The following LRMDA variants were observed in gnomAD, a reference collection of about 807,000 sequenced individuals.
The protein encoded by LRMDA is leucine rich melanocyte differentiation associated.
A neutral mutation model predicts 29.8 loss-of-function variants in LRMDA; 18 were observed. The ratio of observed to expected loss-of-function variants is 0.60; its 90% confidence interval spans 0.42 to 0.90. LRMDA has a LOEUF of 0.90. Among genes scored for constraint, LRMDA ranks in the 40% least tolerant of loss-of-function variants. The pLI, the probability that LRMDA is intolerant of heterozygous loss-of-function variation, is 0.00. For synonymous variants in LRMDA, 125 were observed against 109.4 expected (o/e 1.14, Z -0.89); for missense variants, 273 against 273.9 (o/e 1.00, Z 0.02).
intron 2 of LRMDA, among the ~76,000 whole-genome samples, chr10:75,790,654 C>G (rs765326516): frequency 6.6e-5 from 10 of 152,190 alleles, no homozygotes; most frequent in African/African-American, 2.4e-4. Flanking sequence ...AAGCAGTTTT[C>G]AAAGAATCAT....
At chr10:75,596,908 G>T (rs1164788498) in intron 2 of LRMDA, among the ~76,000 whole-genome samples, 1 of 151,828 alleles carries the variant, frequency 6.6e-6, no homozygotes, top group Non-Finnish European at 1.5e-5. Context: ...GAATTGGTGG[G>T]GCTTGAATAG....
intron 5 of LRMDA, among the ~76,000 whole-genome samples, chr10:76,175,763 A>G (rs16932960): frequency 0.12 from 18,179 of 152,242 alleles, 1,589 homozygotes; most frequent in African/African-American, 0.24. Flanking sequence ...CCTGCAAACA[A>G]TCTATCTCGG....
At chr10:75,908,511 T>C (rs1177213870) in intron 2 of LRMDA, among the ~76,000 whole-genome samples, 1 of 152,228 alleles carries the variant, frequency 6.6e-6, no homozygotes, top group Non-Finnish European at 1.5e-5. Flanking sequence ...TACTTGTGCA[T>C]TTTTTGGGAG....
Position 75,546,036 on chromosome 10 carries a change from G to T in LRMDA, c.131+107542G>T, listed in dbSNP as rs571710428. On this transcript the variant is annotated intron_variant, in intron 2 of 6. Coordinates refer to ENST00000611255, the MANE Select transcript of LRMDA (RefSeq NM_001305581.2). ...CAGAAGCTTTATCCAGAAGGTCTTG[G>T]GCTTCTGCTCTTTTGGTGCTGGGAA... Among the ~76,000 whole-genome samples the T allele has an allele frequency of 2.0e-5, 3 of 152,242 alleles. No individual in the cohort carries two copies. In the East Asian group the frequency reaches 5.8e-4, roughly 29 times the overall value.
chr10:76,381,871 G>A (rs1310957138), intron 6 of LRMDA, among the ~76,000 whole-genome samples: 2 of 152,024 alleles, frequency 1.3e-5, no homozygotes, highest in Non-Finnish European at 2.9e-5. Flanking sequence ...TTCTTCCCTT[G>A]TATCCACCCA....
chr10:76,250,364 C>T (rs1000842553), intron 5 of LRMDA, among the ~76,000 whole-genome samples: 6 of 152,166 alleles, frequency 3.9e-5, no homozygotes, highest in African/African-American at 1.4e-4. Flanking sequence ...TAATGGGATA[C>T]AGAGGGTGGC....
chr10:75,744,419 C>G (rs746361394), intron 2 of LRMDA, among the ~76,000 whole-genome samples: 2 of 152,162 alleles, frequency 1.3e-5, no homozygotes, highest in Non-Finnish European at 2.9e-5. Context: ...TGTATAAAAA[C>G]ACAGTCCTTT....
chr10:76,023,913 G>T (rs180963738), intron 2 of LRMDA, among the ~76,000 whole-genome samples: 32 of 152,296 alleles, frequency 2.1e-4, no homozygotes, highest in Admixed American at 1.0e-3. Context: ...ATTGGTCTAG[G>T]TTTGTCTTCA....
intron 6 of LRMDA, among the ~76,000 whole-genome samples, chr10:76,509,598 T>C (rs769780325): frequency 6.6e-6 from 1 of 152,216 alleles, no homozygotes; most frequent in Admixed American, 6.5e-5. Context: ...CCAGCCTTGC[T>C]TAATTTGGGG....
At chr10:75,967,765 C>A (rs184344467) in intron 2 of LRMDA, among the ~76,000 whole-genome samples, 1 of 147,942 alleles carries the variant, frequency 6.8e-6, no homozygotes, top group Non-Finnish European at 1.5e-5. Context: ...AGGAGGGAGG[C>A]GGCGGGCAGG....
intron 6 of LRMDA, among the ~76,000 whole-genome samples, chr10:76,366,320 A>G (rs571431067): frequency 6.6e-6 from 1 of 152,178 alleles, no homozygotes; most frequent in African/African-American, 2.4e-5. Flanking sequence ...GAATTTGTAG[A>G]TTTCTTTTGG....
At chr10:76,291,391 T>C (rs182194513) in intron 5 of LRMDA, among the ~76,000 whole-genome samples, 17 of 152,350 alleles carry the variant, frequency 1.1e-4, no homozygotes, top group Admixed American at 9.1e-4. Context: ...GATCTTCTAA[T>C]GACTGAAATG....
intron 5 of LRMDA, among the ~76,000 whole-genome samples, chr10:76,142,745 G>T (rs568899450): frequency 3.3e-5 from 5 of 151,060 alleles, no homozygotes; most frequent in Admixed American, 6.6e-5. Context: ...CAATGTGCAG[G>T]TTTGTTACAT....
rs533806582 is a variant in LRMDA, at chr10:75,689,233, C to G, written c.131+250739C>G. Among the ~76,000 whole-genome samples the G allele has an allele frequency of 3.3e-5, 5 of 152,318 alleles. No homozygotes were observed. The South Asian group carries it at 8.3e-4, about 25-fold the overall frequency. Reference sequence around the variant, plus strand: ...TCACTTCTTATTCTTAGATTTCCTTCCAACGGCACATCGGATCCTAACTCA... The same window carrying G: ...TCACTTCTTATTCTTAGATTTCCTTGCAACGGCACATCGGATCCTAACTCA... On this transcript the variant is annotated intron_variant, in intron 2 of 6. Coordinates refer to ENST00000611255, the MANE Select transcript of LRMDA (RefSeq NM_001305581.2).
intron 6 of LRMDA, among the ~76,000 whole-genome samples, chr10:76,404,213 CG>C (rs1321801938): frequency 9.2e-5 from 14 of 152,200 alleles, no homozygotes; most frequent in South Asian, 4.2e-4. Context: ...CACCCAGAGG[CG>C]GACACTCCCC....
intron 6 of LRMDA, among the ~76,000 whole-genome samples, chr10:76,474,607 A>G (rs1487508320): frequency 6.6e-6 from 1 of 151,780 alleles, no homozygotes; most frequent in Non-Finnish European, 1.5e-5. Flanking sequence ...AGAAATAGCC[A>G]ATAAACACAC....
intron 2 of LRMDA, among the ~76,000 whole-genome samples, chr10:75,790,465 C>T (rs1369090591): frequency 6.6e-6 from 1 of 152,140 alleles, no homozygotes; most frequent in Admixed American, 6.5e-5. Flanking sequence ...GGTGGGATTC[C>T]AAGAAGCTAA....
intron 2 of LRMDA, among the ~76,000 whole-genome samples, chr10:75,597,955 G>A (rs1564518835): frequency 6.6e-6 from 1 of 152,098 alleles, no homozygotes; most frequent in Non-Finnish European, 1.5e-5. Flanking sequence ...CTGAGGGGGA[G>A]TACAAGGGGG....
At chr10:76,023,431 C>G (rs1468122786) in intron 2 of LRMDA, among the ~76,000 whole-genome samples, 1 of 152,170 alleles carries the variant, frequency 6.6e-6, no homozygotes, top group East Asian at 1.9e-4. Context: ...ATGCCCTGCT[C>G]TCTTTTTTTG....
Sources: allele counts gnomAD v4.1 joint callset (sites outside exome capture counted in the v4.1 genomes callset), GRCh38; gene constraint gnomAD v4.1.1; transcripts MANE v1.5; gene names NCBI Gene and HGNC (gene_info 2026-07-23, HGNC 2026-07-21).